The following ADAM19 variants were observed in gnomAD, a reference collection of about 807,000 sequenced individuals.
ADAM19 encodes the protein ADAM metallopeptidase domain 19, also known as disintegrin and metalloproteinase domain-containing protein 19.
In ADAM19, 65 loss-of-function variants were observed where a neutral mutation model predicts 114.7. That is an observed-to-expected ratio of 0.57 (90% CI 0.46 to 0.70). The LOEUF is 0.70. ADAM19 is among the 30% of genes least tolerant of loss of function. The pLI, the probability that ADAM19 is intolerant of heterozygous loss-of-function variation, is 0.00. For synonymous variants in ADAM19, 466 were observed against 460.5 expected (o/e 1.01, Z -0.15); for missense variants, 1,063 against 1,204.7 (o/e 0.88, Z 1.74).
chr5:157,537,841 A>G lies in ADAM19; in HGVS notation c.330+72T>C, dbSNP rs56279613. The stretch of plus-strand genomic sequence containing the variant: ...AGAGGAGAGACCAACTCCATCAGGC[A>G]TCTCCTGAGGTCCTAGGAGTAGGGC... On this transcript the variant is annotated intron_variant, in intron 4 of 22. Coordinates refer to ENST00000257527, the MANE Select transcript of ADAM19 (RefSeq NM_033274.5). 1.6e-3 allele frequency: 2,235 copies of G among 1,354,710 alleles called. 7 individuals are homozygous for G. Among genetic ancestry groups the G allele is most frequent in the South Asian group, 2.1e-3 (178 of 84,304 alleles). The allele number at this position is 1,354,710 out of a possible 1,614,324, so 83.9% of individuals were successfully genotyped here.
chr5:157,493,137 C>T lies in ADAM19; in HGVS notation c.1744G>A (p.Ala582Thr), dbSNP rs761997923. Residue 582 changes from alanine (A) to threonine (T), a missense_variant, in exon 16 of 23, where the codon GCC becomes ACC. Ala to Thr is a moderately conservative substitution (Grantham distance 58). Coordinates refer to ENST00000257527, the MANE Select transcript of ADAM19 (RefSeq NM_033274.5). ...CGKIQCQSSE[A>T]RPLESNAVPI... is the part of the protein sequence containing the mutation. The stretch of plus-strand genomic sequence containing the variant: ...ACCGCGTTGGACTCCAGGGGCCGGG[C>T]CTCAGAGCTCTGACACTGGATCTTC... 1 of 1,614,182 alleles carries T rather than the reference C, an allele frequency of 6.2e-7. No homozygotes were observed. The highest frequency in any genetic ancestry group is 8.5e-7 in the Non-Finnish European group (1 of 1,180,018).
At chr5:157,506,907 A>G in intron 10 of ADAM19, 149 bp downstream of exon 10, 2 of 647,574 alleles carry the variant, frequency 3.1e-6, no homozygotes, top group Non-Finnish European at 5.4e-6. Flanking sequence ...TTAGAACTTA[A>G]TGACTTCATT....
chr5:157,497,578 C>CAT (rs1457456599), intron 13 of ADAM19, among the ~76,000 whole-genome samples: 1 of 145,748 alleles, frequency 6.9e-6, no homozygotes, highest in African/African-American at 2.7e-5. Context: ...AATACACACA[C>CAT]ACACACACAC....
At chr5:157,519,809 G>A in intron 6 of ADAM19, 30 bp downstream of exon 6, 2 of 1,576,464 alleles carry the variant, frequency 1.3e-6, no homozygotes, top group Middle Eastern at 3.4e-4. Context: ...TCCCCAGGTT[G>A]ATTTCTGCAC....
chr5:157,535,045 T>A (rs367543708), intron 4 of ADAM19, among the ~76,000 whole-genome samples: 12 of 115,056 alleles, frequency 1.0e-4, no homozygotes, highest in Admixed American at 7.2e-4. Flanking sequence ...ATCTGTAAAA[T>A]GTGGGGTTGG....
At chr5:157,566,722 G>C (rs1431056917) in intron 2 of ADAM19, 1 of 152,212 alleles carries the variant, frequency 6.6e-6, no homozygotes, top group African/African-American at 2.4e-5. Context: ...GTCTTGCTTT[G>C]TTGTGCAGGC....
At chr5:157,482,039 G>A in intron 21 of ADAM19, 96 bp from the exon 22 acceptor site, 1 of 988,752 alleles carries the variant, frequency 1.0e-6, no homozygotes, top group East Asian at 2.6e-5. Flanking sequence ...ATAGATAAAA[G>A]TTATATACTG....
chr5:157,531,886 G>A (rs922563899), intron 4 of ADAM19, among the ~76,000 whole-genome samples: 1 of 152,154 alleles, frequency 6.6e-6, no homozygotes, highest in Non-Finnish European at 1.5e-5. Flanking sequence ...AGAAGAGCCT[G>A]GAAGGATTCT....
intron 5 of ADAM19, among the ~76,000 whole-genome samples, chr5:157,523,526 T>A (rs986915398): frequency 5.3e-5 from 8 of 152,110 alleles, no homozygotes; most frequent in African/African-American, 1.4e-4. Context: ...AAAAAGAGCC[T>A]GGCACCTCCT....
intron 9 of ADAM19, among the ~76,000 whole-genome samples, chr5:157,508,435 C>T (rs759971311): frequency 6.6e-6 from 1 of 152,054 alleles, no homozygotes; most frequent in Non-Finnish European, 1.5e-5. Context: ...ATGGCAAAAT[C>T]CTGTCTCTAT....
chr5:157,551,978 C>G (rs62388526), intron 3 of ADAM19, among the ~76,000 whole-genome samples: 6,011 of 152,056 alleles, frequency 0.04, 189 homozygotes, highest in South Asian at 0.16. Context: ...TTCATCTCTA[C>G]TAAAAATACA....
In ADAM19 at chr5:157,488,316, C is replaced by A; in HGVS notation, c.2499G>T (p.Arg833Ser). ...SQIERTESSR[R>S]PPPSRPIPPA... Reference sequence around the variant, plus strand: ...GGGGAATTGGCCGGCTTGGAGGAGGCCTCCTGGACGACTCCGTCCTCTCTA... The same window carrying A: ...GGGGAATTGGCCGGCTTGGAGGAGGACTCCTGGACGACTCCGTCCTCTCTA... The change falls in exon 21 of 23, where the codon AGG (arginine) becomes AGT (serine). Residue 833 changes from arginine (R) to serine (S), a missense_variant. By Grantham distance (110) the Arg-to-Ser change is moderately radical (BLOSUM62 -1). Coordinates refer to ENST00000257527, the MANE Select transcript of ADAM19 (RefSeq NM_033274.5). 1.2e-6 allele frequency: 2 copies of A among 1,614,160 alleles called. No homozygotes were observed. Among genetic ancestry groups the A allele is most frequent in the South Asian group, 2.2e-5 (2 of 91,090 alleles).
chr5:157,493,115 G>A lies in ADAM19; in HGVS notation c.1766C>T (p.Ala589Val), dbSNP rs780699401. 2.0e-5 allele frequency: 33 copies of A among 1,614,124 alleles called. No homozygotes were observed. The highest frequency in any genetic ancestry group is 7.7e-5 in the South Asian group (7 of 91,090). Residue 589 changes from alanine (A) to valine (V), a missense_variant, in exon 16 of 23, where the codon GCG (alanine) becomes GTG (valine). Physicochemically the swap from Ala to Val is moderately conservative, Grantham distance 64. Coordinates refer to ENST00000257527, the MANE Select transcript of ADAM19 (RefSeq NM_033274.5). ...GATGATAGTGGTGTCAATGGGCACC[G>A]CGTTGGACTCCAGGGGCCGGGCCTC... is the stretch of plus-strand genomic sequence containing the variant. ...SSEARPLESNAVPIDTTIIMN... is the reference protein window; with the variant it reads ...SSEARPLESNVVPIDTTIIMN...
intron 20 of ADAM19, 133 bp from the exon 21 acceptor site, chr5:157,488,622 A>G (rs1755038296): frequency 3.0e-6 from 2 of 670,510 alleles, no homozygotes; most frequent in Non-Finnish European, 4.9e-6. Context: ...GGATCCCAGA[A>G]GTCAGATGCA....
chr5:157,479,331 T>C lies in ADAM19; in HGVS notation c.*1618A>G. ...GAACTATAAGGAGGCCCTGGGGTGG[T>C]GAATCAGAAGCTCAGCCTCAGCCTT... On this transcript the variant is annotated 3_prime_UTR_variant, in exon 23 of 23. Transcript: ENST00000257527. 1.5e-5 allele frequency: 15 copies of C among 985,872 alleles called. No individual in the cohort carries two copies. The highest frequency in any genetic ancestry group is 1.7e-5 in the Non-Finnish European group (14 of 830,018). The allele number at this position is 985,872 out of a possible 1,614,324, so 61.1% of individuals were successfully genotyped here. A position where few individuals can be genotyped will look rare whatever the true frequency, so the allele number is the denominator to read the frequency against.
At chr5:157,567,638 A>C (rs1412739901) in intron 2 of ADAM19, among the ~76,000 whole-genome samples, 1 of 152,094 alleles carries the variant, frequency 6.6e-6, no homozygotes, top group Admixed American at 6.5e-5. Flanking sequence ...TCTCTACTAA[A>C]AATACAAAAT....
chr5:157,564,421 C>T lies in ADAM19; in HGVS notation c.203G>A (p.Arg68Lys). 6.2e-7 allele frequency: 1 copy of T among 1,614,220 alleles called. No homozygotes were observed. The highest frequency in any genetic ancestry group is 8.5e-7 in the Non-Finnish European group (1 of 1,180,046). ...CAGTTCTCGCCCCTCAGCCATTACC[C>T]TGAGCTCAGCTTTGAGTGGATGCTA... ...REKHPLKAEL[R>K]VMAEGRELIL... The change falls in exon 3 of 23, where the codon AGG becomes AAG. Residue 68 changes from arginine (R) to lysine (K), a missense_variant. Transcript: ENST00000257527.
In ADAM19 at chr5:157,490,526, C is replaced by T. The variant is rs549489607; in HGVS notation, c.2096-72G>A. 4.0e-5 allele frequency: 61 copies of T among 1,530,312 alleles called. 1 individual carries two copies. The South Asian group carries it at 6.5e-4, about 16-fold the overall frequency. 94.8% of individuals were successfully genotyped at this position (1,530,312 alleles called of 1,614,324 possible). A position where few individuals can be genotyped will look rare whatever the true frequency, so the allele number is the denominator to read the frequency against. On this transcript the variant is annotated intron_variant, in intron 18 of 22. Coordinates refer to ENST00000257527, the MANE Select transcript of ADAM19 (RefSeq NM_033274.5). ...TACAGCAGATTTCAAAATAGGTATT[C>T]GTGCTTCTTCTTCAGGCATTTGATT...
rs78090133 is a variant in ADAM19, at chr5:157,510,996, G to A, written c.739-1529C>T. 2.8e-3 allele frequency among the ~76,000 whole-genome samples: 421 copies of A among 152,294 alleles called. 14 individuals are homozygous for A. In the East Asian group the frequency reaches 0.07, roughly 25 times the overall value. On this transcript the variant is annotated intron_variant, in intron 8 of 22. Coordinates refer to ENST00000257527, the MANE Select transcript of ADAM19 (RefSeq NM_033274.5). ...TCTTCAGGGTTTTGTCCAAACCAGA[G>A]ATCCTGAAATTCTATACCCAAGATC...
Sources: gnomAD v4.1 joint callset for allele counts (sites outside exome capture counted in the v4.1 genomes callset) on GRCh38, gnomAD v4.1.1 for gene constraint, MANE v1.5 for transcripts, NCBI Gene and HGNC (gene_info 2026-07-23, HGNC 2026-07-21) for gene names.